The following SIM2 variants were observed in gnomAD, a reference collection of about 807,000 sequenced individuals.
The protein encoded by SIM2 is single-minded homolog 2.
In SIM2, 28 loss-of-function variants were observed where a neutral mutation model predicts 64.8. That is an observed-to-expected ratio of 0.43 (90% confidence interval 0.32 to 0.59). The LOEUF (loss-of-function observed/expected upper bound fraction) is 0.59. Ranked by LOEUF, SIM2 falls within the 20% of genes least tolerant of loss-of-function variation. The pLI, the probability that SIM2 is intolerant of heterozygous loss-of-function variation, is 0.07. For missense variants in SIM2, 847 were observed against 871.4 expected, an observed-to-expected ratio of 0.97 and a Z score of 0.35; for synonymous variants, 408 against 391.1, an observed-to-expected ratio of 1.04 and a Z score of -0.51.
intron 7 of SIM2, among the ~76,000 whole-genome samples, chr21:36,736,601 G>T (rs2089051594): frequency 2.0e-5 from 3 of 152,094 alleles, no homozygotes; most frequent in African/African-American, 7.2e-5. Flanking sequence ...TCAGGCGAGG[G>T]GGCACCTCGG....
At chr21:36,730,763 G>A (rs563681273) in intron 6 of SIM2, among the ~76,000 whole-genome samples, 1 of 152,236 alleles carries the variant, frequency 6.6e-6, no homozygotes, top group South Asian at 2.1e-4. Flanking sequence ...AGCATTCCCC[G>A]ATAAGCTGAA....
chr21:36,725,149 C>G (rs1367795540), intron 5 of SIM2, among the ~76,000 whole-genome samples: 2 of 152,042 alleles, frequency 1.3e-5, no homozygotes, highest in Non-Finnish European at 2.9e-5. Context: ...GGTTCGAGAC[C>G]AGTCTGGGCA....
chr21:36,747,688 T>C lies in SIM2; in HGVS notation c.1600T>C (p.Phe534Leu). 2 of 1,278,544 alleles carry C rather than the reference T, an allele frequency of 1.6e-6. No homozygotes were observed. The highest frequency in any genetic ancestry group is 2.0e-6 in the Non-Finnish European group (2 of 1,011,126). 79.2% of individuals were successfully genotyped at this position (1,278,544 alleles called of 1,614,324 possible). Reference sequence around the variant, plus strand: ...AGCGCCCGCCGCCGCCGTGCGCAGGTTCGGCGAGGACACCGCGCCCCCGAG... The same window carrying C: ...AGCGCCCGCCGCCGCCGTGCGCAGGCTCGGCGAGGACACCGCGCCCCCGAG... ...YEAPAAAVRR[F>L]GEDTAPPSFP... Residue 534 changes from phenylalanine to leucine, a missense_variant, in exon 11 of 11, where the codon TTC becomes CTC. Physicochemically the swap from Phe to Leu is conservative, Grantham distance 22. Around this residue, in one of 3 missense-constraint regions of SIM2, gnomAD observed 447 missense variants for 414.6 expected, o/e 1.08. Coordinates refer to ENST00000290399, the MANE Select transcript of SIM2 (RefSeq NM_005069.6). This position sits in a 1 kb window ranked among gnomAD's most constrained non-coding sequence, Gnocchi z 4.5.
intron 5 of SIM2, among the ~76,000 whole-genome samples, chr21:36,723,390 A>G (rs2088849798): frequency 6.6e-6 from 1 of 152,092 alleles, no homozygotes; most frequent in South Asian, 2.1e-4. Context: ...ATACCTTGGC[A>G]CTTTCCATGT....
rs967982239 is a variant in SIM2 at position 36,747,503 on chromosome 21, G to A, written c.1577-162G>A. Among the ~76,000 whole-genome samples the A allele has an allele frequency of 2.7e-5, 4 of 150,320 alleles. No homozygotes were observed. The highest frequency in any genetic ancestry group is 9.7e-5 in the African/African-American group (4 of 41,156). On this transcript the variant is annotated intron_variant, in intron 10 of 10. Coordinates refer to ENST00000290399, the MANE Select transcript of SIM2 (RefSeq NM_005069.6). This position sits in a 1 kb window ranked among gnomAD's most constrained non-coding sequence, Gnocchi z 4.5. ...TGGAACATTTCAGGTCGCGTCCTGAGATTGGACAGCACGGCCTAGACTAAG... is the reference window on the plus strand; with the variant it reads ...TGGAACATTTCAGGTCGCGTCCTGAAATTGGACAGCACGGCCTAGACTAAG...
At chr21:36,708,120 C>T (rs915944829) in intron 1 of SIM2, among the ~76,000 whole-genome samples, 4 of 152,212 alleles carry the variant, frequency 2.6e-5, no homozygotes, top group Non-Finnish European at 5.9e-5. Context: ...GTGCACCGAC[C>T]CTCGCCATCT....
chr21:36,703,484 C>G (rs1359351139), intron 1 of SIM2, among the ~76,000 whole-genome samples: 2 of 152,164 alleles, frequency 1.3e-5, no homozygotes, highest in Non-Finnish European at 2.9e-5. Flanking sequence ...TGTGAGCTCC[C>G]CATATTCCCT....
At chr21:36,711,662 C>A (rs2088679066) in intron 2 of SIM2, among the ~76,000 whole-genome samples, 1 of 152,122 alleles carries the variant, frequency 6.6e-6, no homozygotes, top group South Asian at 2.1e-4. Context: ...TTTATGGGGG[C>A]AACATTGTGG....
intron 1 of SIM2, among the ~76,000 whole-genome samples, chr21:36,702,878 G>C (rs546744484): frequency 2.2e-4 from 32 of 143,832 alleles, no homozygotes; most frequent in Non-Finnish European, 1.6e-4. Flanking sequence ...GGGCGGTCTT[G>C]TCTCAAAGCA....
Position 36,749,441 on chromosome 21 carries a change from G to C in SIM2, c.*1349G>C, listed in dbSNP as rs897111499. On this transcript the variant is annotated 3_prime_UTR_variant, in exon 11 of 11. Coordinates refer to ENST00000290399, the MANE Select transcript of SIM2 (RefSeq NM_005069.6). ...CCTACACCAACTGCTCTCAAAATGTGAACTGACTTTTTTTTTTTTTTTTTT... is the reference window on the plus strand; with the variant it reads ...CCTACACCAACTGCTCTCAAAATGTCAACTGACTTTTTTTTTTTTTTTTTT... 1 of 119,346 alleles carries C rather than the reference G, an allele frequency of 8.4e-6. No individual in the cohort carries two copies. Among genetic ancestry groups the C allele is most frequent in the Non-Finnish European group, 1.7e-5 (1 of 58,862 alleles). The allele number at this position is 119,346 out of a possible 1,614,324, so 7.4% of individuals were successfully genotyped here.
Position 36,726,023 on chromosome 21 carries a change from G to GAGAT in SIM2, c.544-94_544-91dup, listed in dbSNP as rs2088885288. 1.0e-6 allele frequency: 1 copy of GAGAT among 1,003,034 alleles called. No individual in the cohort carries two copies. Among genetic ancestry groups the GAGAT allele is most frequent in the Non-Finnish European group, 1.5e-6 (1 of 651,996 alleles). 62.1% of individuals were successfully genotyped at this position (1,003,034 alleles called of 1,614,324 possible). A position where few individuals can be genotyped will look rare whatever the true frequency, so the allele number is the denominator to read the frequency against. ...CACAGTGGAGTAGAGGCTGGGCTGGGAGATATTCTAGCATGTTTGAGAAAA... is the reference window on the plus strand; with the variant it reads ...CACAGTGGAGTAGAGGCTGGGCTGGGAGATAGATATTCTAGCATGTTTGAGAAAA... On this transcript the variant is annotated intron_variant, in intron 5 of 10. Transcript: ENST00000290399. The surrounding 1 kb of genome is among the most constrained non-coding windows in gnomAD (Gnocchi z 4.5).
intron 1 of SIM2, 53 bp from the exon 2 acceptor site, chr21:36,709,115 A>C (rs2088633565): frequency 6.7e-7 from 1 of 1,490,162 alleles, no homozygotes; most frequent in African/African-American, 1.4e-5. Context: ...CCCGGCTCCC[A>C]GGCATCGGGC....
chr21:36,724,427 C>T (rs1393765994), intron 5 of SIM2, among the ~76,000 whole-genome samples: 7 of 152,198 alleles, frequency 4.6e-5, no homozygotes, highest in African/African-American at 7.2e-5. Flanking sequence ...CACAGGCGCA[C>T]GCCACCACAC....
chr21:36,731,674 T>G (rs1190886899), intron 7 of SIM2, among the ~76,000 whole-genome samples: 3 of 152,138 alleles, frequency 2.0e-5, no homozygotes, highest in Non-Finnish European at 2.9e-5. Flanking sequence ...CGCAGAGCCC[T>G]GCCTCCGACT....
intron 7 of SIM2, among the ~76,000 whole-genome samples, chr21:36,737,472 G>C (rs76653593): frequency 2.4e-4 from 36 of 152,296 alleles, no homozygotes; most frequent in Middle Eastern, 3.4e-3. Flanking sequence ...CCTCAGGGGG[G>C]GCTGAGCACA....
In SIM2 at chr21:36,743,508, A is replaced by C. The variant is rs957792035; in HGVS notation, c.1120A>C (p.Asn374His). The change falls in exon 9 of 11, where the codon AAT (asparagine) becomes CAT (histidine). Residue 374 changes from asparagine (N) to histidine (H), a missense_variant. Physicochemically the swap from Asn to His is moderately conservative, Grantham distance 68 (BLOSUM62 1). This residue lies in a region of SIM2 where 447 missense variants were observed against 414.6 expected (regional missense o/e 1.08). Coordinates refer to ENST00000290399, the MANE Select transcript of SIM2 (RefSeq NM_005069.6). ...AACTAGGAAATTAGTGAAACCCAAA[A>C]ATACCAAGATGAAGACAAAGCTGAG... ...QETRKLVKPK[N>H]TKMKTKLRTN... 1.9e-6 allele frequency: 3 copies of C among 1,614,058 alleles called. No homozygotes were observed. Among genetic ancestry groups the C allele is most frequent in the East Asian group, 4.5e-5 (2 of 44,884 alleles).
chr21:36,731,895 C>A (rs754154114), intron 7 of SIM2, among the ~76,000 whole-genome samples: 100 of 152,024 alleles, frequency 6.6e-4, no homozygotes, highest in Admixed American at 2.0e-3. Context: ...AAAAAAAAAT[C>A]TTTTTGAGAC....
At position 36,699,664 on chromosome 21, in the gene SIM2, C is replaced by T. The variant is rs1310523174; in HGVS notation, c.-83C>T. The stretch of plus-strand genomic sequence containing the variant: ...CTCACCTGGCTCCCGGCTCCCCCTT[C>T]CCCATCCCCGCCGCCGCAGCCCGAG... On this transcript the variant is annotated 5_prime_UTR_variant, in exon 1 of 11. Coordinates refer to ENST00000290399, the MANE Select transcript of SIM2 (RefSeq NM_005069.6). The surrounding 1 kb of genome is among the most constrained non-coding windows in gnomAD (Gnocchi z 5.6). 4 of 1,499,450 alleles carry T rather than the reference C, an allele frequency of 2.7e-6. No homozygotes were observed. The East Asian group carries it at 7.8e-5, about 29-fold the overall frequency. The allele number at this position is 1,499,450 out of a possible 1,614,324, so 92.9% of individuals were successfully genotyped here.
At chr21:36,743,707 G>A (rs1161342165) in intron 9 of SIM2, 152 bp downstream of exon 9, 1 of 743,970 alleles carries the variant, frequency 1.3e-6, no homozygotes, top group Non-Finnish European at 2.1e-6. Flanking sequence ...TGCCTACACA[G>A]TAGTGACAGC....
Sources: allele counts gnomAD v4.1 joint callset (sites outside exome capture counted in the v4.1 genomes callset), GRCh38; gene constraint gnomAD v4.1.1; regional missense constraint gnomAD v4.1.1; non-coding constraint Gnocchi (gnomAD v3.1); transcripts MANE v1.5; gene names NCBI Gene and HGNC (gene_info 2026-07-23, HGNC 2026-07-21).